ANK1: variants seen among roughly 807,000 people sequenced by gnomAD.
The protein encoded by ANK1 is ankyrin-1.
Under a neutral mutation model 210.4 loss-of-function variants are expected in ANK1, and 51 were observed. That is an observed-to-expected ratio of 0.24 (90% confidence interval 0.19 to 0.31). The LOEUF (loss-of-function observed/expected upper bound fraction) is 0.31, where lower values mean the gene tolerates loss of function less well. ANK1 is among the 10% of genes least tolerant of loss of function. ANK1 has a pLI of 1.00. For synonymous variants in ANK1, 967 were observed against 1,025.9 expected (o/e 0.94, Z 1.10); for missense variants, 2,051 against 2,504.4 (o/e 0.82, Z 3.86).
In ANK1 at chr8:41,671,274, G is replaced by C. The variant is rs557811595; in HGVS notation, c.5096+1080C>G. The stretch of plus-strand genomic sequence containing the variant: ...AAGCCCACCAGCCCCTCCTTCAAAG[G>C]GGGTAAGTGGGGAGGGCGCCATTAT... On this transcript the variant is annotated intron_variant, in intron 38 of 42. Coordinates refer to ENST00000289734, the MANE Select transcript of ANK1 (RefSeq NM_000037.4). 7.2e-5 allele frequency among the ~76,000 whole-genome samples: 11 copies of C among 152,306 alleles called. No individual in the cohort carries two copies. The East Asian group carries it at 1.7e-3, about 24-fold the overall frequency.
At chr8:41,752,998 T>C (rs1838160100) in intron 2 of ANK1, among the ~76,000 whole-genome samples, 1 of 151,578 alleles carries the variant, frequency 6.6e-6, no homozygotes, top group Admixed American at 6.6e-5. Flanking sequence ...GCAGTACAGC[T>C]GTGCAGGTGT....
rs1484517974 is a variant in ANK1, at chr8:41,704,538, C to T, written c.2098-66G>A. On this transcript the variant is annotated intron_variant, in intron 18 of 42. Transcript: ENST00000289734. The surrounding 1 kb of genome is among the most constrained non-coding windows in gnomAD (Gnocchi z 4.1). ...GCTGGGCATCACATGAAATCCTTCC[C>T]AAAGCAGCTGATTCAAAGAGAGAAC... is the stretch of plus-strand genomic sequence containing the variant. 4 of 1,383,388 alleles carry T rather than the reference C, an allele frequency of 2.9e-6. No individual in the cohort carries two copies. The African/African-American group carries it at 5.7e-5, about 20-fold the overall frequency. The allele number at this position is 1,383,388 out of a possible 1,614,324, so 85.7% of individuals were successfully genotyped here. A position where few individuals can be genotyped will look rare whatever the true frequency, so the allele number is the denominator to read the frequency against.
intron 2 of ANK1, among the ~76,000 whole-genome samples, chr8:41,755,308 G>C (rs1048209613): frequency 1.3e-5 from 2 of 152,224 alleles, no homozygotes; most frequent in South Asian, 4.1e-4. Context: ...TCAGGACACA[G>C]CTATTCCCTG....
intron 1 of ANK1, among the ~76,000 whole-genome samples, chr8:41,868,949 C>T (rs28493594): frequency 0.012 from 1,776 of 152,272 alleles, 32 homozygotes; most frequent in African/African-American, 0.04. Flanking sequence ...GGTTCCAGCA[C>T]CCAGCTAAAG....
At chr8:41,697,289 C>T (rs542467893) in intron 24 of ANK1, among the ~76,000 whole-genome samples, 47 of 152,310 alleles carry the variant, frequency 3.1e-4, no homozygotes, top group African/African-American at 9.9e-4. Flanking sequence ...ACCTGTGCAA[C>T]GGGAACTTGC....
intron 12 of ANK1, among the ~76,000 whole-genome samples, chr8:41,717,282 T>C (rs1013226708): frequency 3.3e-5 from 5 of 152,250 alleles, no homozygotes; most frequent in African/African-American, 1.2e-4. Flanking sequence ...TATGAGTTTA[T>C]GTGTGTGTCT....
chr8:41,873,320 T>C (rs1438694344), intron 1 of ANK1, among the ~76,000 whole-genome samples: 1 of 152,216 alleles, frequency 6.6e-6, no homozygotes, highest in Admixed American at 6.5e-5. Context: ...AGTGCCGCTT[T>C]CTCTTAGGGA....
intron 38 of ANK1, among the ~76,000 whole-genome samples, chr8:41,669,684 GTATT>G (rs1811651599): frequency 6.6e-6 from 1 of 152,064 alleles, no homozygotes; most frequent in South Asian, 2.1e-4. Flanking sequence ...ACCCCACATT[GTATT>G]TGTTAGCAGA....
chr8:41,728,564 A>G (rs1350721399), intron 3 of ANK1, among the ~76,000 whole-genome samples: 1 of 152,186 alleles, frequency 6.6e-6, no homozygotes, highest in Admixed American at 6.5e-5. Flanking sequence ...CTATAAAAAG[A>G]AAAACATTTA....
At chr8:41,812,171 A>C (rs926465832) in intron 1 of ANK1, among the ~76,000 whole-genome samples, 1 of 152,220 alleles carries the variant, frequency 6.6e-6, no homozygotes, top group Non-Finnish European at 1.5e-5. Context: ...ATCCAACCCA[A>C]ATATCTTCAT....
At chr8:41,773,220 CA>C (rs1353112333) in intron 1 of ANK1, among the ~76,000 whole-genome samples, 1 of 152,104 alleles carries the variant, frequency 6.6e-6, no homozygotes, top group Non-Finnish European at 1.5e-5. Flanking sequence ...TAAGGGATGG[CA>C]AGTGCGGGGG....
Position 41,667,726 on chromosome 8 carries a change from C to A in ANK1, c.5394+541G>T, listed in dbSNP as rs1468656227. 3.9e-5 allele frequency among the ~76,000 whole-genome samples: 6 copies of A among 152,294 alleles called. No homozygotes were observed. In the South Asian group the frequency reaches 6.2e-4, roughly 16 times the overall value. On this transcript the variant is annotated intron_variant, in intron 39 of 42. Coordinates refer to ENST00000289734, the MANE Select transcript of ANK1 (RefSeq NM_000037.4). Reference sequence around the variant, plus strand: ...GACTTCTCTCTATCCCAGGGCCCCTCTTCTACTTGGTGACCGCCATCCAGA... The same window carrying A: ...GACTTCTCTCTATCCCAGGGCCCCTATTCTACTTGGTGACCGCCATCCAGA...
intron 39 of ANK1, 129 bp from the exon 40 acceptor site, chr8:41,663,871 C>A: frequency 1.3e-6 from 1 of 791,106 alleles, no homozygotes. Context: ...AGCAGGAAAC[C>A]CGGCTCAGCA....
At chr8:41,783,373 T>G (rs1845710954) in intron 1 of ANK1, among the ~76,000 whole-genome samples, 1 of 152,216 alleles carries the variant, frequency 6.6e-6, no homozygotes, top group African/African-American at 2.4e-5. Context: ...CTGTGACTTC[T>G]ACCCCACCCT....
At chr8:41,879,518 T>C (rs913657909) in intron 1 of ANK1, among the ~76,000 whole-genome samples, 1 of 152,202 alleles carries the variant, frequency 6.6e-6, no homozygotes, top group African/African-American at 2.4e-5. Flanking sequence ...CTGCCTCTCA[T>C]TCAAGGAGTG....
chr8:41,774,467 T>C (rs540410323), intron 1 of ANK1, among the ~76,000 whole-genome samples: 3 of 152,250 alleles, frequency 2.0e-5, no homozygotes, highest in Admixed American at 1.3e-4. Context: ...ACCACTGTCC[T>C]CTTCTGGGCA....
intron 17 of ANK1, among the ~76,000 whole-genome samples, chr8:41,707,487 G>A (rs1824910948): frequency 6.6e-6 from 1 of 152,206 alleles, no homozygotes; most frequent in Non-Finnish European, 1.5e-5. Flanking sequence ...TGCAGCCAAA[G>A]CAGGTGGGCC....
At chr8:41,810,967 C>T (rs1293994094) in intron 1 of ANK1, among the ~76,000 whole-genome samples, 2 of 152,228 alleles carry the variant, frequency 1.3e-5, no homozygotes, top group Non-Finnish European at 2.9e-5. Context: ...GACCAGGTGG[C>T]GGTTCTTGGT....
At chr8:41,730,312 A>G (rs908742277) in intron 3 of ANK1, among the ~76,000 whole-genome samples, 2 of 152,200 alleles carry the variant, frequency 1.3e-5, no homozygotes, top group Non-Finnish European at 2.9e-5. Context: ...TAATTCAAGC[A>G]TAAAGCCTGG....
Sources: gnomAD v4.1 joint callset for allele counts (sites outside exome capture counted in the v4.1 genomes callset) on GRCh38, gnomAD v4.1.1 for gene constraint, Gnocchi (gnomAD v3.1) non-coding constraint, MANE v1.5 for transcripts, NCBI Gene and HGNC (gene_info 2026-07-23, HGNC 2026-07-21) for gene names.